The following RORA variants were observed in gnomAD, a reference collection of about 807,000 sequenced individuals.
RORA encodes nuclear receptor ROR-alpha.
In RORA, 7 loss-of-function variants were observed where a neutral mutation model predicts 69.5. The ratio of observed to expected loss-of-function variants is 0.10; its 90% CI spans 0.06 to 0.19. The LOEUF (loss-of-function observed/expected upper bound fraction) is 0.19. Ranked by LOEUF, RORA falls within the 10% of genes least tolerant of loss-of-function variation. The probability of loss-of-function intolerance (pLI) is 1.00; values close to 1 mark genes in which losing one functional copy is unlikely to be tolerated. For missense variants in RORA, 457 were observed against 663.0 expected, an observed-to-expected ratio of 0.69 and a Z score of 3.41; for synonymous variants, 261 against 240.8, an observed-to-expected ratio of 1.08 and a Z score of -0.78.
At chr15:60,766,512 G>A (rs1164627807) in intron 1 of RORA, among the ~76,000 whole-genome samples, 4 of 152,170 alleles carry the variant, frequency 2.6e-5, no homozygotes, top group Non-Finnish European at 4.4e-5. Context: ...TGTAGGCGAT[G>A]CCTGCTGCCT....
rs537858359 is a variant in RORA, at chr15:60,738,931, T to G, written c.167-60245A>C. Among the ~76,000 whole-genome samples the G allele has an allele frequency of 2.1e-3, 320 of 152,338 alleles. 3 individuals are homozygous for G. Among genetic ancestry groups the G allele is most frequent in the Middle Eastern group, 6.8e-3 (2 of 294 alleles). ...TCTGATCTTCACAAAGCATTCTCCC[T>G]GTGTGCATCTGTCTTCAAATTTCCC... On this transcript the variant is annotated intron_variant, in intron 1 of 10. Coordinates refer to ENST00000335670, the MANE Select transcript of RORA (RefSeq NM_134261.3).
At chr15:60,550,991 AC>A (rs761377401) in intron 2 of RORA, among the ~76,000 whole-genome samples, 7 of 152,134 alleles carry the variant, frequency 4.6e-5, no homozygotes, top group Non-Finnish European at 1.0e-4. Context: ...CTTAACCAAT[AC>A]CTTTAGAAGA....
chr15:60,970,073 A>C (rs2140350782), intron 1 of RORA, among the ~76,000 whole-genome samples: 1 of 152,318 alleles, frequency 6.6e-6, no homozygotes, highest in East Asian at 1.9e-4. Context: ...ACACAGCCAG[A>C]CGGCAGCCGC....
intron 1 of RORA, among the ~76,000 whole-genome samples, chr15:61,075,052 A>G (rs1595952731): frequency 6.6e-6 from 1 of 150,902 alleles, no homozygotes; most frequent in East Asian, 2.0e-4. Flanking sequence ...GTGGCACTGC[A>G]CTCCAGCCTG....
intron 1 of RORA, among the ~76,000 whole-genome samples, chr15:61,120,892 G>C (rs2079097057): frequency 6.6e-6 from 1 of 151,494 alleles, no homozygotes; most frequent in Non-Finnish European, 1.5e-5. Context: ...TTGTCTCCCA[G>C]GATGGAGTGC....
At chr15:60,513,677 A>G (rs1384660210) in intron 4 of RORA, among the ~76,000 whole-genome samples, 1 of 151,566 alleles carries the variant, frequency 6.6e-6, no homozygotes, top group Non-Finnish European at 1.5e-5. Context: ...CAAAAGCTTC[A>G]CTTTTGTAGT....
At chr15:60,560,073 C>G (rs1202730890) in intron 2 of RORA, among the ~76,000 whole-genome samples, 1 of 151,898 alleles carries the variant, frequency 6.6e-6, no homozygotes, top group African/African-American at 2.4e-5. Flanking sequence ...GTAGCCCATA[C>G]CTGGCAAAGC....
At chr15:60,804,648 A>C (rs1012589925) in intron 1 of RORA, among the ~76,000 whole-genome samples, 2 of 152,240 alleles carry the variant, frequency 1.3e-5, no homozygotes, top group African/African-American at 4.8e-5. Context: ...GGTAGCCAAG[A>C]AGGACTACAA....
chr15:60,505,940 A>C (rs1259477716), intron 5 of RORA, among the ~76,000 whole-genome samples: 2 of 152,238 alleles, frequency 1.3e-5, no homozygotes, highest in African/African-American at 4.8e-5. Flanking sequence ...TAGACATAGG[A>C]AATGATTGAC....
chr15:60,658,171 C>T (rs149574148), intron 2 of RORA, among the ~76,000 whole-genome samples: 1 of 151,954 alleles, frequency 6.6e-6, no homozygotes, highest in African/African-American at 2.4e-5. Flanking sequence ...GCCTCTGCCT[C>T]CTGGGTTCCA....
chr15:61,203,356 G>A (rs2079912021), intron 1 of RORA, among the ~76,000 whole-genome samples: 2 of 152,194 alleles, frequency 1.3e-5, no homozygotes, highest in African/African-American at 4.8e-5. Flanking sequence ...TTTCAGGGGA[G>A]CTAGAAATGT....
At chr15:60,667,017 C>A (rs1567147768) in intron 2 of RORA, among the ~76,000 whole-genome samples, 1 of 152,116 alleles carries the variant, frequency 6.6e-6, no homozygotes, top group Non-Finnish European at 1.5e-5. Flanking sequence ...CCTTACTTTT[C>A]TTTTTTATTG....
intron 1 of RORA, among the ~76,000 whole-genome samples, chr15:61,018,044 T>C (rs542124684): frequency 9.8e-5 from 15 of 152,388 alleles, no homozygotes; most frequent in Admixed American, 3.9e-4. Flanking sequence ...ACTGTTCATA[T>C]AGAAAACTAT....
intron 2 of RORA, among the ~76,000 whole-genome samples, chr15:60,545,975 G>C (rs1326215666): frequency 6.6e-6 from 1 of 152,164 alleles, no homozygotes; most frequent in African/African-American, 2.4e-5. Flanking sequence ...ACTTAAAATG[G>C]AGAAAGCCAA....
intron 3 of RORA, among the ~76,000 whole-genome samples, chr15:60,525,399 G>A (rs2066321088): frequency 6.6e-6 from 1 of 152,216 alleles, no homozygotes; most frequent in Non-Finnish European, 1.5e-5. Flanking sequence ...TGAAACAGAG[G>A]CTGAAATGCT....
intron 1 of RORA, among the ~76,000 whole-genome samples, chr15:60,822,750 G>A (rs2072908254): frequency 1.3e-5 from 2 of 152,130 alleles, no homozygotes; most frequent in Admixed American, 6.5e-5. Flanking sequence ...TGATGCCCAG[G>A]GTCAGGCCCG....
At chr15:61,186,612 G>T (rs1425017655) in intron 1 of RORA, among the ~76,000 whole-genome samples, 1 of 118,302 alleles carries the variant, frequency 8.5e-6, no homozygotes, top group Non-Finnish European at 1.6e-5. Flanking sequence ...CTGCACTCCA[G>T]CCTGGGCAAT....
chr15:60,981,903 T>C (rs960717399), intron 1 of RORA, among the ~76,000 whole-genome samples: 2 of 152,058 alleles, frequency 1.3e-5, no homozygotes, highest in African/African-American at 4.8e-5. Context: ...TAATTGAAAA[T>C]TGAAGATTTT....
chr15:61,055,719 T>C (rs969421980), intron 1 of RORA, among the ~76,000 whole-genome samples: 1 of 152,252 alleles, frequency 6.6e-6, no homozygotes, highest in East Asian at 1.9e-4. Flanking sequence ...ATTTCCCTCC[T>C]ATATTTTTAG....
Sources: allele counts gnomAD v4.1 joint callset (sites outside exome capture counted in the v4.1 genomes callset), GRCh38; gene constraint gnomAD v4.1.1; transcripts MANE v1.5; gene names NCBI Gene and HGNC (gene_info 2026-07-23, HGNC 2026-07-21).